CEP85L: variants seen among roughly 807,000 people sequenced by gnomAD.
CEP85L encodes the protein centrosomal protein of 85 kDa-like.
A neutral mutation model predicts 100.3 loss-of-function variants in CEP85L; 60 were observed. That is an observed-to-expected ratio of 0.60 (90% CI 0.49 to 0.74). CEP85L has a LOEUF of 0.74. Ranked by LOEUF, CEP85L falls within the 30% of genes least tolerant of loss-of-function variation. The pLI is 0.00. For synonymous variants in CEP85L, 319 were observed against 322.7 expected, an observed-to-expected ratio of 0.99 and a Z score of 0.12; for missense variants, 973 against 936.2, an observed-to-expected ratio of 1.04 and a Z score of -0.51.
rs924212103 is a variant in CEP85L at position 118,692,461 on chromosome 6, G to C, written c.-28+17575C>G. 1.2e-4 allele frequency among the ~76,000 whole-genome samples: 19 copies of C among 152,128 alleles called. 1 individual carries two copies. Among genetic ancestry groups the C allele is most frequent in the African/African-American group, 4.6e-4 (19 of 41,418 alleles). On this transcript the variant is annotated intron_variant, in intron 1 of 13. Coordinates refer to the CEP85L transcript ENST00000368488. Reference sequence around the variant, plus strand: ...ATACAGTCAAAATAATCCCTGAGGAGAGTGTTTCAAGCTAGTAGTTGGGAC... The same window carrying C: ...ATACAGTCAAAATAATCCCTGAGGACAGTGTTTCAAGCTAGTAGTTGGGAC...
chr6:118,623,903 C>T (rs1773612319), intron 2 of CEP85L, among the ~76,000 whole-genome samples: 1 of 152,204 alleles, frequency 6.6e-6, no homozygotes, highest in Non-Finnish European at 1.5e-5. Flanking sequence ...TCTACCTTCC[C>T]ATCTATGGAT....
At chr6:118,623,710 G>A (rs1238890730) in intron 2 of CEP85L, among the ~76,000 whole-genome samples, 3 of 152,176 alleles carry the variant, frequency 2.0e-5, no homozygotes, top group African/African-American at 7.2e-5. Flanking sequence ...AATGCTGTAT[G>A]GATGGCCTTT....
chr6:118,623,656 C>A (rs1773591139), intron 2 of CEP85L, among the ~76,000 whole-genome samples: 1 of 152,142 alleles, frequency 6.6e-6, no homozygotes, highest in Admixed American at 6.5e-5. Context: ...CCGAAATTCC[C>A]CTGGAAATTT....
chr6:118,591,803 A>G (rs1294366133), intron 2 of CEP85L, among the ~76,000 whole-genome samples: 6 of 152,198 alleles, frequency 3.9e-5, no homozygotes, highest in Non-Finnish European at 8.8e-5. Context: ...CTTTGTTCAA[A>G]GCACCAAGAA....
At chr6:118,494,153 A>G (rs1013205918) in intron 5 of CEP85L, among the ~76,000 whole-genome samples, 5 of 152,164 alleles carry the variant, frequency 3.3e-5, no homozygotes, top group African/African-American at 1.2e-4. Context: ...AGGGTGGGAA[A>G]ATCTGTAACT....
Position 118,632,552 on chromosome 6 carries a change from C to T in CEP85L, c.133G>A (p.Val45Ile). 6.2e-7 allele frequency: 1 copy of T among 1,612,954 alleles called. No individual in the cohort carries two copies. The highest frequency in any genetic ancestry group is 8.5e-7 in the Non-Finnish European group (1 of 1,179,524). The change falls in exon 2 of 13, where the codon GTT (valine) becomes ATT (isoleucine). Residue 45 changes from valine (V) to isoleucine (I), a missense_variant. By Grantham distance (29) the Val-to-Ile change is conservative. Around this residue, in one of 3 missense-constraint regions of CEP85L, gnomAD observed 79 missense variants for 73.3 expected, o/e 1.08. Coordinates refer to ENST00000368491, the MANE Select transcript of CEP85L (RefSeq NM_001042475.3). ...TGGTTATTTCGATGGTTAGATGGAA[C>T]AGTTGTGGCCTGCCACAATGATTCA... ...ANESLWQATT[V>I]PSNHRNNHIR...
At chr6:118,543,328 C>T (rs1778017460) in intron 3 of CEP85L, among the ~76,000 whole-genome samples, 1 of 152,108 alleles carries the variant, frequency 6.6e-6, no homozygotes, top group Non-Finnish European at 1.5e-5. Context: ...CTTCTTTCAA[C>T]TTATCCTTTT....
At chr6:118,609,903 A>C (rs1018825507) in intron 2 of CEP85L, among the ~76,000 whole-genome samples, 1 of 152,122 alleles carries the variant, frequency 6.6e-6, no homozygotes, top group Non-Finnish European at 1.5e-5. Flanking sequence ...ACCCAAAATA[A>C]AGCAGGGGGC....
chr6:118,599,194 C>T (rs1781599634), intron 2 of CEP85L, among the ~76,000 whole-genome samples: 1 of 152,120 alleles, frequency 6.6e-6, no homozygotes, highest in Non-Finnish European at 1.5e-5. Context: ...AGAACCAGAG[C>T]TCATTGGTGA....
At chr6:118,482,022 G>T in intron 7 of CEP85L, 89 bp from the exon 8 acceptor site, 2 of 457,856 alleles carry the variant, frequency 4.4e-6, no homozygotes, top group Admixed American at 5.7e-5. Flanking sequence ...AGGATTAACA[G>T]ACTTGTAGCT....
chr6:118,524,863 G>A (rs116229735), intron 3 of CEP85L, among the ~76,000 whole-genome samples: 49 of 152,312 alleles, frequency 3.2e-4, no homozygotes, highest in African/African-American at 8.7e-4. Context: ...CCCAGCATGC[G>A]TTCTGGGGGA....
intron 3 of CEP85L, among the ~76,000 whole-genome samples, chr6:118,562,829 T>C (rs558084727): frequency 6.6e-6 from 1 of 152,318 alleles, no homozygotes; most frequent in South Asian, 2.1e-4. Flanking sequence ...AACAACTTCA[T>C]CAATAAAGAG....
In CEP85L at chr6:118,600,300, G is replaced by GGGGGTGTGTGTGTGTGTGTGT. The variant is rs1562297733; in HGVS notation, c.232+32152_232+32153insACACACACACACACACACCCC. On this transcript the variant is annotated intron_variant, in intron 2 of 12. Transcript: ENST00000368491. ...CTGCCTGTCCCTGAGCCTTCCTGGG[G>GGGGGTGTGTGTGTGTGTGTGT]GTGTGTGTGTGTGTGTGTGTGTGTG... is the stretch of plus-strand genomic sequence containing the variant. 1.5e-4 allele frequency among the ~76,000 whole-genome samples: 8 copies of GGGGGTGTGTGTGTGTGTGTGT among 52,236 alleles called. 2 individuals are homozygous for GGGGGTGTGTGTGTGTGTGTGT. Among genetic ancestry groups the GGGGGTGTGTGTGTGTGTGTGT allele is most frequent in the Admixed American group, 4.1e-4 (2 of 4,828 alleles). 34.3% of individuals were successfully genotyped at this position (52,236 alleles called of 152,430 possible). A position where few individuals can be genotyped will look rare whatever the true frequency, so the allele number is the denominator to read the frequency against.
At chr6:118,515,009 CTA>C in intron 4 of CEP85L, among the ~76,000 whole-genome samples, 1 of 151,578 alleles carries the variant, frequency 6.6e-6, no homozygotes. Flanking sequence ...TGAAATCTCA[CTA>C]TGTTGCCCAG....
chr6:118,480,059 A>C, intron 9 of CEP85L, 138 bp from the exon 10 acceptor site: 1 of 563,352 alleles, frequency 1.8e-6, no homozygotes. Flanking sequence ...AAGTATCCTT[A>C]TGATTTGGGT....
chr6:118,594,841 G>A (rs766536628), intron 2 of CEP85L, among the ~76,000 whole-genome samples: 20 of 137,620 alleles, frequency 1.5e-4, no homozygotes, highest in Non-Finnish European at 2.9e-4. Context: ...GGGCGACACA[G>A]CGAGATTGTC....
rs140624476 is a variant in CEP85L, at chr6:118,573,057, C to T, written c.233-6741G>A. Among the ~76,000 whole-genome samples the T allele has an allele frequency of 1.1e-4, 16 of 152,072 alleles. No individual in the cohort carries two copies. In the East Asian group the frequency reaches 1.5e-3, roughly 15 times the overall value. ...AGCTTGGGTAACAAGAGTGATACTCCGTCTCCAAAAAAAATAATAATAATA... is the reference window on the plus strand; with the variant it reads ...AGCTTGGGTAACAAGAGTGATACTCTGTCTCCAAAAAAAATAATAATAATA... On this transcript the variant is annotated intron_variant, in intron 2 of 12. Transcript: ENST00000368491.
intron 2 of CEP85L, among the ~76,000 whole-genome samples, chr6:118,602,568 G>A (rs62422220): frequency 0.16 from 24,773 of 152,150 alleles, 2,148 homozygotes; most frequent in Non-Finnish European, 0.19. Flanking sequence ...GTTAGCCTAC[G>A]TTGCAGAAAC....
At chr6:118,535,559 T>C (rs1339311495) in intron 3 of CEP85L, among the ~76,000 whole-genome samples, 2 of 152,170 alleles carry the variant, frequency 1.3e-5, no homozygotes, top group African/African-American at 4.8e-5. Flanking sequence ...AATTCACAAA[T>C]TATAAATTGT....
Sources: gnomAD v4.1 joint callset for allele counts (sites outside exome capture counted in the v4.1 genomes callset) on GRCh38, gnomAD v4.1.1 for gene constraint, gnomAD v4.1.1 regional missense constraint, MANE v1.5 for transcripts, NCBI Gene and HGNC (gene_info 2026-07-23, HGNC 2026-07-21) for gene names.